The following NDUFAF5 variants were observed in gnomAD, a reference collection of about 807,000 sequenced individuals.
NDUFAF5 encodes NADH:ubiquinone oxidoreductase complex assembly factor 5.
NDUFAF5 carries 34 observed loss-of-function variants against 48.9 expected under a neutral mutation model. The observed-to-expected ratio is 0.70, with a 90% confidence interval of 0.53 to 0.93. The LOEUF (loss-of-function observed/expected upper bound fraction) is 0.93, where lower values mean the gene tolerates loss of function less well. NDUFAF5 is among the 40% of genes least tolerant of loss of function. The pLI is 0.00. For missense variants in NDUFAF5, 428 were observed against 427.5 expected (o/e 1.00, Z -0.01); for synonymous variants, 153 against 150.6 (o/e 1.02, Z -0.12).
At chr20:13,797,346 A>T (rs1983402288) in intron 5 of NDUFAF5, among the ~76,000 whole-genome samples, 2 of 152,234 alleles carry the variant, frequency 1.3e-5, no homozygotes, top group African/African-American at 4.8e-5. Context: ...AGCAGCCAAG[A>T]TGTCCTTCAG....
intron 2 of NDUFAF5, 24 bp from the exon 3 acceptor site, chr20:13,788,565 T>C: frequency 6.3e-7 from 1 of 1,581,250 alleles, no homozygotes; most frequent in Non-Finnish European, 8.7e-7. Flanking sequence ...GGACAGAGCA[T>C]AACCTCTGTG....
intron 4 of NDUFAF5, among the ~76,000 whole-genome samples, chr20:13,793,861 T>C (rs140788106): frequency 6.6e-6 from 1 of 152,360 alleles, no homozygotes; most frequent in Non-Finnish European, 1.5e-5. Context: ...TTTTTACTAC[T>C]TTGCTTTGGC....
intron 8 of NDUFAF5, chr20:13,814,547 A>C (rs761711226): frequency 1.3e-5 from 14 of 1,085,164 alleles, no homozygotes; most frequent in Non-Finnish European, 3.7e-6. Flanking sequence ...AACAATACTC[A>C]GTATTGTTTT....
intron 8 of NDUFAF5, chr20:13,814,504 A>G (rs1377381017): frequency 3.1e-6 from 4 of 1,283,312 alleles, no homozygotes; most frequent in Admixed American, 4.6e-5. Context: ...AGGCTTTCAC[A>G]GTGGTCTTAA....
chr20:13,800,062 C>T (rs1464101749), intron 6 of NDUFAF5, among the ~76,000 whole-genome samples: 1 of 152,020 alleles, frequency 6.6e-6, no homozygotes, highest in African/African-American at 2.4e-5. Flanking sequence ...GGAGCAGGGA[C>T]GGTGAGTATG....
At chr20:13,817,038 G>GT in intron 10 of NDUFAF5, 80 bp from the exon 11 acceptor site, 1 of 1,537,940 alleles carries the variant, frequency 6.5e-7, no homozygotes, top group South Asian at 1.1e-5. Flanking sequence ...AAGGGGTAAT[G>GT]TAAGACAGCA....
chr20:13,788,783 T>C (rs1486444805), intron 3 of NDUFAF5, 131 bp downstream of exon 3: 5 of 640,784 alleles, frequency 7.8e-6, no homozygotes, highest in Non-Finnish European at 1.3e-5. Context: ...ATTTGTTTTT[T>C]TTTTTAAGTG....
chr20:13,785,399 T>C (rs921466418), intron 1 of NDUFAF5, 109 bp downstream of exon 1: 10 of 908,098 alleles, frequency 1.1e-5, no homozygotes, highest in African/African-American at 9.9e-5. Flanking sequence ...CGTCTGACCT[T>C]GACCAGCAGC....
At chr20:13,797,968 C>G (rs996802585) in intron 5 of NDUFAF5, among the ~76,000 whole-genome samples, 1 of 152,132 alleles carries the variant, frequency 6.6e-6, no homozygotes, top group Non-Finnish European at 1.5e-5. Flanking sequence ...CTCACAGATT[C>G]AAACTTTTGA....
At chr20:13,802,964 C>T (rs920406921) in intron 7 of NDUFAF5, among the ~76,000 whole-genome samples, 2 of 152,202 alleles carry the variant, frequency 1.3e-5, no homozygotes, top group Admixed American at 6.5e-5. Flanking sequence ...CCCCTCAGGC[C>T]TAGAAACATC....
At chr20:13,812,428 G>A (rs1433166641) in intron 8 of NDUFAF5, among the ~76,000 whole-genome samples, 2 of 152,142 alleles carry the variant, frequency 1.3e-5, no homozygotes, top group Admixed American at 6.5e-5. Context: ...AGAGATGATG[G>A]TGGGCTGATG....
rs1375117036 is a variant in NDUFAF5, at chr20:13,792,356, A to C, written c.328-824A>C. Among the ~76,000 whole-genome samples, 4 of 152,352 alleles carry C rather than the reference A, an allele frequency of 2.6e-5. No individual in the cohort carries two copies. The East Asian group carries it at 7.7e-4, about 29-fold the overall frequency. On this transcript the variant is annotated intron_variant, in intron 3 of 10. Coordinates refer to ENST00000378106, the MANE Select transcript of NDUFAF5 (RefSeq NM_024120.5). ...AATAGAGAAGGGCAGCCAGAGTAGA[A>C]GCTTCTGAAGAAGCTTCTAGTAGGC...
In NDUFAF5 at chr20:13,787,437, A is replaced by G. The variant is rs745811849; in HGVS notation, c.263+85A>G. Reference sequence around the variant, plus strand: ...AAATGCTGAGAACTTGCTATCTGAAATGGCAGAACCTGGAAGAATTTACTC... The same window carrying G: ...AAATGCTGAGAACTTGCTATCTGAAGTGGCAGAACCTGGAAGAATTTACTC... On this transcript the variant is annotated intron_variant, in intron 2 of 10. Coordinates refer to ENST00000378106, the MANE Select transcript of NDUFAF5 (RefSeq NM_024120.5). 247 of 1,269,012 alleles carry G rather than the reference A, an allele frequency of 1.9e-4. 1 individual carries two copies. Among genetic ancestry groups the G allele is most frequent in the Non-Finnish European group, 2.8e-4 (241 of 865,926 alleles). 78.6% of individuals were successfully genotyped at this position (1,269,012 alleles called of 1,614,324 possible). A position where few individuals can be genotyped will look rare whatever the true frequency, so the allele number is the denominator to read the frequency against.
intron 8 of NDUFAF5, 74 bp from the exon 9 acceptor site, chr20:13,816,389 G>T (rs1225059535): frequency 1.5e-5 from 15 of 977,754 alleles, no homozygotes; most frequent in Non-Finnish European, 2.5e-5. Context: ...AGATGAGACG[G>T]GATTAAGTCT....
At chr20:13,795,976 T>A (rs1345700885) in intron 5 of NDUFAF5, among the ~76,000 whole-genome samples, 14 of 152,190 alleles carry the variant, frequency 9.2e-5, no homozygotes, top group Admixed American at 9.2e-4. Context: ...GATTTTTGGG[T>A]GAATACAAAA....
chr20:13,787,339 T>C lies in NDUFAF5; in HGVS notation c.250T>C (p.Tyr84His), dbSNP rs1291471747. Residue 84 changes from tyrosine (Y) to histidine (H), a missense_variant, in exon 2 of 11, where the codon TAT becomes CAT. Tyr to His is a moderately conservative substitution (Grantham distance 83, BLOSUM62 2). Transcript: ENST00000378106. ...EVGSRIADRV[Y>H]DIPRNFPLAL... ...TGGAAGTCGGATCGCAGACCGTGTA[T>C]ATGACATACCCAGGTAAGTGGTGGT... 1.9e-6 allele frequency: 3 copies of C among 1,613,988 alleles called. No homozygotes were observed. The highest frequency in any genetic ancestry group is 2.5e-6 in the Non-Finnish European group (3 of 1,179,974).
At chr20:13,798,754 T>C (rs1983654492) in intron 6 of NDUFAF5, among the ~76,000 whole-genome samples, 1 of 152,236 alleles carries the variant, frequency 6.6e-6, no homozygotes, top group Non-Finnish European at 1.5e-5. Flanking sequence ...TGCAAAATAA[T>C]ATTGAAATCA....
Position 13,801,513 on chromosome 20 carries a change from G to A in NDUFAF5, c.547G>A (p.Val183Met). 6.2e-7 allele frequency: 1 copy of A among 1,613,100 alleles called. No individual in the cohort carries two copies. Among genetic ancestry groups the A allele is most frequent in the East Asian group, 2.2e-5 (1 of 44,852 alleles). The stretch of plus-strand genomic sequence containing the variant: ...TCATTATATTTTAAAACCAGATGGA[G>A]TGTTTATCGGTGCAATGTTTGGAGG... ...QIHYILKPDG[V>M]FIGAMFGGDT... The change falls in exon 7 of 11, where the codon GTG (valine) becomes ATG (methionine). Residue 183 changes from valine to methionine, a missense_variant. Physicochemically the swap from Val to Met is conservative, Grantham distance 21. Coordinates refer to ENST00000378106, the MANE Select transcript of NDUFAF5 (RefSeq NM_024120.5).
intron 4 of NDUFAF5, among the ~76,000 whole-genome samples, chr20:13,794,371 C>T (rs1356904061): frequency 1.3e-5 from 2 of 152,126 alleles, no homozygotes; most frequent in Non-Finnish European, 2.9e-5. Context: ...CCTCCGCCTC[C>T]CGGGTTCAAG....
Sources: allele counts gnomAD v4.1 joint callset (sites outside exome capture counted in the v4.1 genomes callset), GRCh38; gene constraint gnomAD v4.1.1; transcripts MANE v1.5; gene names NCBI Gene and HGNC (gene_info 2026-07-23, HGNC 2026-07-21).